The following ELOVL6 variants were observed in gnomAD, a reference collection of about 807,000 sequenced individuals.
The protein encoded by ELOVL6 is ELOVL fatty acid elongase 6.
ELOVL6 carries 8 observed loss-of-function variants against 31.7 expected under a neutral mutation model. The observed-to-expected ratio is 0.25, with a 90% CI of 0.15 to 0.45. The LOEUF (loss-of-function observed/expected upper bound fraction) is 0.45, where lower values mean the gene tolerates loss of function less well. Ranked by LOEUF, ELOVL6 falls within the 20% of genes least tolerant of loss-of-function variation. The pLI is 1.00. For synonymous variants in ELOVL6, 101 were observed against 117.7 expected (o/e 0.86, Z 0.92); for missense variants, 126 against 326.4 (o/e 0.39, Z 4.73).
chr4:110,129,278 T>C (rs1757598913), intron 1 of ELOVL6, among the ~76,000 whole-genome samples: 2 of 152,240 alleles, frequency 1.3e-5, no homozygotes, highest in Non-Finnish European at 2.9e-5. Context: ...GATTGCTTTC[T>C]CTTCTTACCA....
chr4:110,110,296 C>G (rs1168258857), intron 1 of ELOVL6, among the ~76,000 whole-genome samples: 8 of 151,222 alleles, frequency 5.3e-5, no homozygotes, highest in African/African-American at 7.3e-5. Context: ...CCTGAGGTTT[C>G]TTGAAGTCCT....
At chr4:110,140,132 C>T (rs1757913454) in intron 1 of ELOVL6, among the ~76,000 whole-genome samples, 1 of 152,160 alleles carries the variant, frequency 6.6e-6, no homozygotes, top group Admixed American at 6.5e-5. Flanking sequence ...ATAGGCAGGG[C>T]TAGTACTTTT....
At chr4:110,069,874 C>T (rs1046840027) in intron 2 of ELOVL6, among the ~76,000 whole-genome samples, 1 of 152,138 alleles carries the variant, frequency 6.6e-6, no homozygotes, top group African/African-American at 2.4e-5. Context: ...AGCTCCCCAG[C>T]TGTGGATTAG....
At chr4:110,057,743 C>T (rs1487772870) in intron 3 of ELOVL6, among the ~76,000 whole-genome samples, 5 of 150,858 alleles carry the variant, frequency 3.3e-5, no homozygotes, top group African/African-American at 9.8e-5. Flanking sequence ...CCCAGCTACT[C>T]GGAAGGCTGA....
At chr4:110,058,127 T>A (rs1289997392) in intron 3 of ELOVL6, among the ~76,000 whole-genome samples, 1 of 152,210 alleles carries the variant, frequency 6.6e-6, no homozygotes, top group Non-Finnish European at 1.5e-5. Context: ...GTTCATAAAA[T>A]CTGTATTGTA....
At chr4:110,198,126 T>G in intron 1 of ELOVL6, 121 bp downstream of exon 1, 9 of 524,392 alleles carry the variant, frequency 1.7e-5, no homozygotes, top group Admixed American at 2.1e-5. Flanking sequence ...AACTCAGCGA[T>G]CAGCTGGCTG....
intron 2 of ELOVL6, among the ~76,000 whole-genome samples, chr4:110,090,678 C>G (rs1005796650): frequency 1.3e-4 from 19 of 142,678 alleles, no homozygotes; most frequent in African/African-American, 4.8e-4. Flanking sequence ...GATCTCAGCT[C>G]ACTGAAACCT....
chr4:110,116,572 A>G (rs1284076200), intron 1 of ELOVL6, among the ~76,000 whole-genome samples: 1 of 152,228 alleles, frequency 6.6e-6, no homozygotes, highest in Non-Finnish European at 1.5e-5. Flanking sequence ...TATACAATTT[A>G]CTAAAATTAC....
At chr4:110,059,525 T>C in intron 3 of ELOVL6, 78 bp downstream of exon 3, 1 of 1,454,426 alleles carries the variant, frequency 6.9e-7, no homozygotes. Context: ...ACCTTCAAAA[T>C]GTTTCTTTGC....
At chr4:110,090,600 C>CTTTTTTGTTTTTTTTTTTTTTT (rs1553956743) in intron 2 of ELOVL6, among the ~76,000 whole-genome samples, 9 of 103,714 alleles carry the variant, frequency 8.7e-5, no homozygotes, top group African/African-American at 1.3e-4. Flanking sequence ...GTTTGACTTT[C>CTTTTTTGTTTTTTTTTTTTTTT]TTTTTTTTTT....
At chr4:110,081,398 T>C (rs554965024) in intron 2 of ELOVL6, among the ~76,000 whole-genome samples, 2 of 152,208 alleles carry the variant, frequency 1.3e-5, no homozygotes, top group Admixed American at 6.5e-5. Flanking sequence ...AACAGAGATA[T>C]AGACCAATGG....
At chr4:110,087,740 A>G (rs1756307054) in intron 2 of ELOVL6, among the ~76,000 whole-genome samples, 1 of 152,116 alleles carries the variant, frequency 6.6e-6, no homozygotes, top group Non-Finnish European at 1.5e-5. Flanking sequence ...GAAACATTTA[A>G]AACTTCTGGT....
intron 2 of ELOVL6, among the ~76,000 whole-genome samples, chr4:110,094,445 T>TATATATATATATATA (rs1756519913): frequency 4.0e-4 from 19 of 47,376 alleles, no homozygotes; most frequent in South Asian, 9.0e-4. Context: ...ATATATATAA[T>TATATATATATATATA]ATATATAACA....
chr4:110,084,035 G>GCATA, intron 2 of ELOVL6, among the ~76,000 whole-genome samples: 1 of 7,462 alleles, frequency 1.3e-4, no homozygotes, highest in East Asian at 4.6e-3. Context: ...GCCATATATG[G>GCATA]TATATAACAC....
intron 1 of ELOVL6, among the ~76,000 whole-genome samples, chr4:110,116,483 A>G (rs149454678): frequency 7.2e-5 from 11 of 152,346 alleles, no homozygotes; most frequent in East Asian, 3.9e-4. Context: ...AAATATCAGC[A>G]TCTGAACTCT....
intron 1 of ELOVL6, among the ~76,000 whole-genome samples, chr4:110,163,424 G>T (rs1013782091): frequency 1.3e-5 from 2 of 152,196 alleles, no homozygotes; most frequent in Non-Finnish European, 2.9e-5. Context: ...TAGTGTTTGT[G>T]TCCTAGTGGT....
rs564310937 is a variant in ELOVL6 at position 110,049,006 on chromosome 4, C to T, written c.*2332G>A. ...TCAACCAGATGAGCCTCCAATGGGT[C>T]CTTCAATTAAATTCAAGTCAACTGT... On this transcript the variant is annotated 3_prime_UTR_variant, in exon 4 of 4. Coordinates refer to ENST00000302274, the MANE Select transcript of ELOVL6 (RefSeq NM_024090.3). The T allele has an allele frequency of 6.6e-6, 1 of 152,162 alleles. No individual in the cohort carries two copies. The highest frequency in any genetic ancestry group is 1.5e-5 in the Non-Finnish European group (1 of 68,044). The allele number at this position is 152,162 out of a possible 1,614,324, so 9.4% of individuals were successfully genotyped here. A position where few individuals can be genotyped will look rare whatever the true frequency, so the allele number is the denominator to read the frequency against.
At chr4:110,089,145 C>T (rs912247894) in intron 2 of ELOVL6, among the ~76,000 whole-genome samples, 1 of 151,826 alleles carries the variant, frequency 6.6e-6, no homozygotes, top group African/African-American at 2.4e-5. Flanking sequence ...AAGTGATGAG[C>T]ATACATTTAT....
At chr4:110,079,658 C>T (rs532177899) in intron 2 of ELOVL6, among the ~76,000 whole-genome samples, 2 of 152,170 alleles carry the variant, frequency 1.3e-5, no homozygotes, top group South Asian at 2.1e-4. Context: ...AATTGACACC[C>T]TAACATCACA....
Sources: gnomAD v4.1 joint callset for allele counts (sites outside exome capture counted in the v4.1 genomes callset) on GRCh38, gnomAD v4.1.1 for gene constraint, MANE v1.5 for transcripts, NCBI Gene and HGNC (gene_info 2026-07-23, HGNC 2026-07-21) for gene names.